Variants in ZBTB4 observed in about 807,000 individuals in gnomAD.
ZBTB4 encodes zinc finger and BTB domain containing 4.
ZBTB4 carries 14 observed loss-of-function variants against 59.8 expected under a neutral mutation model. That is an observed-to-expected ratio of 0.23 (90% CI 0.15 to 0.37). ZBTB4 has a LOEUF of 0.37. ZBTB4 is among the 10% of genes least tolerant of loss of function. The pLI is 1.00. For synonymous variants in ZBTB4, 587 were observed against 575.2 expected, an observed-to-expected ratio of 1.02 and a Z score of -0.29; for missense variants, 1,198 against 1,380.8, an observed-to-expected ratio of 0.87 and a Z score of 2.10.
chr17:7,459,909 G>A lies in ZBTB4; in HGVS notation c.*2031C>T, dbSNP rs1318978274. ...TTTTCCCATGCCTGTTTGCCTCAGA[G>A]GAGTATGGGTTAAGGATATAGGGGC... is the stretch of plus-strand genomic sequence containing the variant. On this transcript the variant is annotated 3_prime_UTR_variant, in exon 4 of 4. Transcript: ENST00000380599. 6.6e-6 allele frequency: 1 copy of A among 152,582 alleles called. No homozygotes were observed. The highest frequency in any genetic ancestry group is 2.4e-5 in the African/African-American group (1 of 41,414). The allele number at this position is 152,582 out of a possible 1,614,324, so 9.5% of individuals were successfully genotyped here.
intron 2 of ZBTB4, chr17:7,467,056 G>A: frequency 8.0e-6 from 6 of 754,468 alleles, no homozygotes; most frequent in Non-Finnish European, 9.7e-6. Flanking sequence ...TCATGGTGAA[G>A]GTCAAGGGGT....
At position 7,466,247 on chromosome 17, in the gene ZBTB4, C is replaced by G; in HGVS notation, c.555G>C (p.Trp185Cys). The stretch of plus-strand genomic sequence containing the variant: ...CCATGGGGGCTGGGGTAGGAGGTAC[C>G]CAGGCATCACCTCCCTCCCCCAGGC... ...LQGLGEGGDAWVPPTPAPMAT... is the reference protein window; with the variant it reads ...LQGLGEGGDACVPPTPAPMAT... Residue 185 changes from tryptophan (W) to cysteine (C), a missense_variant, in exon 3 of 4, where the codon TGG becomes TGC. By Grantham distance (215) the Trp-to-Cys change is radical (BLOSUM62 -2). Transcript: ENST00000380599. This position sits in a 1 kb window ranked among gnomAD's most constrained non-coding sequence, Gnocchi z 9.1. 6.2e-7 allele frequency: 1 copy of G among 1,613,212 alleles called. No homozygotes were observed. Among genetic ancestry groups the G allele is most frequent in the East Asian group, 2.2e-5 (1 of 44,862 alleles).
rs1256868542 is a variant in ZBTB4, at chr17:7,460,558, T to G, written c.*1382A>C. The G allele has an allele frequency of 1.3e-5, 2 of 149,636 alleles. No individual in the cohort carries two copies. Among genetic ancestry groups the G allele is most frequent in the Admixed American group, 6.6e-5 (1 of 15,118 alleles). The allele number at this position is 149,636 out of a possible 1,614,324, so 9.3% of individuals were successfully genotyped here. ...GGCTCTCCCCTTGTGAGCTATTTTT[T>G]GGGGGGAGGTGGGTGGGATGGGAAA... On this transcript the variant is annotated 3_prime_UTR_variant, in exon 4 of 4. Coordinates refer to ENST00000380599, the MANE Select transcript of ZBTB4 (RefSeq NM_001128833.2).
At chr17:7,464,009 G>A in intron 3 of ZBTB4, 119 bp from the exon 4 acceptor site, 6 of 1,479,330 alleles carry the variant, frequency 4.1e-6, no homozygotes, top group Non-Finnish European at 5.3e-6. Flanking sequence ...GCCTTGTGCT[G>A]CCTCCCTCAC....
chr17:7,475,005 C>G (rs2150863754), intron 1 of ZBTB4, among the ~76,000 whole-genome samples: 1 of 93,838 alleles, frequency 1.1e-5, no homozygotes, highest in East Asian at 3.1e-4. Context: ...GAGTGAGACT[C>G]TGCCTCAAAA....
chr17:7,462,156 G>C lies in ZBTB4; in HGVS notation c.2826C>G (p.Ala942=), dbSNP rs576175120. Residue 942 remains alanine (A), a synonymous_variant, in exon 4 of 4, where the codon GCC becomes GCG. Coordinates refer to ENST00000380599, the MANE Select transcript of ZBTB4 (RefSeq NM_001128833.2). This position sits in a 1 kb window ranked among gnomAD's most constrained non-coding sequence, Gnocchi z 7.5. ...CCATGTTGAGAGCAACCGGGAGAGC[G>C]GCCAAGTTACTGAAGTTGTAAGGGT... ...AAYPYNFSNL[A]ALPVALNMVL... 6.2e-7 allele frequency: 1 copy of C among 1,613,762 alleles called. No individual in the cohort carries two copies. Among genetic ancestry groups the C allele is most frequent in the East Asian group, 2.2e-5 (1 of 44,900 alleles).
Sources: allele counts gnomAD v4.1 joint callset (sites outside exome capture counted in the v4.1 genomes callset), GRCh38; gene constraint gnomAD v4.1.1; non-coding constraint Gnocchi (gnomAD v3.1); transcripts MANE v1.5; gene names NCBI Gene and HGNC (gene_info 2026-07-23, HGNC 2026-07-21).